ANKRD36C: variants seen among roughly 807,000 people sequenced by gnomAD.
ANKRD36C encodes ankyrin repeat domain 36C.
In ANKRD36C, 61 loss-of-function variants were observed where a neutral mutation model predicts 276.4. That is an observed-to-expected ratio of 0.22 (90% CI 0.18 to 0.27). The LOEUF (loss-of-function observed/expected upper bound fraction) is 0.27. Among genes scored for constraint, ANKRD36C ranks in the 10% least tolerant of loss-of-function variants. The pLI is 1.00. For missense variants in ANKRD36C, 1,447 were observed against 2,032.3 expected (o/e 0.71, Z 5.54); for synonymous variants, 483 against 680.1 (o/e 0.71, Z 4.51).
At chr2:95,906,934 C>T in intron 42 of ANKRD36C, 112 bp from the exon 49 acceptor site, 1 of 53,290 alleles carries the variant, frequency 1.9e-5, no homozygotes, top group South Asian at 9.3e-5. Context: ...TTAGTGGAGG[C>T]TTTGATGGCT....
At chr2:95,964,873 A>C (rs1034534978) in intron 6 of ANKRD36C, among the ~76,000 whole-genome samples, 3 of 152,026 alleles carry the variant, frequency 2.0e-5, no homozygotes, top group African/African-American at 7.2e-5. Flanking sequence ...TTTATGTTTA[A>C]CTACACATAA....
At chr2:95,918,095 T>C in intron 34 of ANKRD36C, 53 bp from the exon 37 acceptor site, 1 of 1,580,912 alleles carries the variant, frequency 6.3e-7, no homozygotes, top group Non-Finnish European at 8.6e-7. Flanking sequence ...GATAAAGTTA[T>C]CCATACATTC....
rs552625159 is a variant in ANKRD36C at position 95,948,175 on chromosome 2, C to G, written c.1362+355G>C. Among the ~76,000 whole-genome samples, 10 of 152,254 alleles carry G rather than the reference C, an allele frequency of 6.6e-5. No homozygotes were observed. The East Asian group carries it at 1.9e-3, about 29-fold the overall frequency. Reference sequence around the variant, plus strand: ...AAACAGAGGTATTATTAGTCATACTCATATGATATACAACTCAGAGTAAAA... The same window carrying G: ...AAACAGAGGTATTATTAGTCATACTGATATGATATACAACTCAGAGTAAAA... On this transcript the variant is annotated intron_variant, in intron 17 of 66. Coordinates refer to ENST00000456556, the Ensembl canonical transcript of ANKRD36C.
At chr2:95,891,560 T>A (rs988434899) in intron 46 of ANKRD36C, 105 bp downstream of exon 66, 174 of 1,360,254 alleles carry the variant, frequency 1.3e-4, no homozygotes, top group African/African-American at 1.2e-3. Flanking sequence ...AGGACTGCTG[T>A]ATCAGAATGT....
intron 3 of ANKRD36C, among the ~76,000 whole-genome samples, chr2:95,986,016 T>C (rs1679019528): frequency 6.6e-6 from 1 of 152,118 alleles, no homozygotes; most frequent in African/African-American, 2.4e-5. Context: ...ATCACCACTA[T>C]TCACTGCCAA....
At chr2:95,862,455 T>C (rs910114157) in intron 60 of ANKRD36C, among the ~76,000 whole-genome samples, 7 of 151,134 alleles carry the variant, frequency 4.6e-5, no homozygotes, top group Admixed American at 2.0e-4. Flanking sequence ...GTAATGAAAA[T>C]AGAAATAGAA....
intron 6 of ANKRD36C, among the ~76,000 whole-genome samples, chr2:95,975,822 C>G (rs1266833377): frequency 6.6e-6 from 1 of 152,034 alleles, no homozygotes; most frequent in African/African-American, 2.4e-5. Flanking sequence ...AAAGAAACTA[C>G]CATCAGAGTG....
At chr2:95,897,808 A>G (rs1304037777) in intron 44 of ANKRD36C, among the ~76,000 whole-genome samples, 3 of 146,318 alleles carry the variant, frequency 2.1e-5, no homozygotes, top group Non-Finnish European at 3.1e-5. Context: ...ATCAATGTCA[A>G]AGCAGGTGCT....
At chr2:95,960,901 T>C (rs1239139937) in intron 8 of ANKRD36C, among the ~76,000 whole-genome samples, 1 of 152,018 alleles carries the variant, frequency 6.6e-6, no homozygotes, top group Non-Finnish European at 1.5e-5. Context: ...ATTCTTCATA[T>C]GTCTATTACT....
chr2:95,893,806 A>T lies in ANKRD36C; in HGVS notation c.2756-1946T>A, dbSNP rs1368313560. On this transcript the variant is annotated intron_variant, in intron 44 of 66. Transcript: ENST00000456556. ...TAGATTCATGCAGAGTTAGCATCAA[A>T]CTCTGTCCTCCTGCCTGTATTAGCG... 4 of 1,592,766 alleles carry T rather than the reference A, an allele frequency of 2.5e-6. No individual in the cohort carries two copies. In the Admixed American group the frequency reaches 6.8e-5, roughly 27 times the overall value.
intron 5 of ANKRD36C, among the ~76,000 whole-genome samples, chr2:95,980,376 A>C (rs1426979198): frequency 6.6e-6 from 1 of 152,118 alleles, no homozygotes; most frequent in East Asian, 1.9e-4. Flanking sequence ...TTATACTGGA[A>C]ATAAAATGTA....
At chr2:95,973,878 A>G (rs1481992176) in intron 6 of ANKRD36C, among the ~76,000 whole-genome samples, 1 of 152,018 alleles carries the variant, frequency 6.6e-6, no homozygotes, top group Non-Finnish European at 1.5e-5. Context: ...CCTTGTCTCT[A>G]AAAAATAAAA....
intron 44 of ANKRD36C, among the ~76,000 whole-genome samples, 162 bp from the exon 65 acceptor site, chr2:95,892,022 G>A (rs1368224768): frequency 2.6e-5 from 4 of 151,478 alleles, no homozygotes; most frequent in East Asian, 1.9e-4. Context: ...ACAGAAATAC[G>A]CTGAGAAAAG....
intron 48 of ANKRD36C, 137 bp from the exon 69 acceptor site, chr2:95,888,257 G>C (rs1178066042): frequency 2.2e-5 from 33 of 1,471,636 alleles, no homozygotes; most frequent in Non-Finnish European, 2.7e-5. Context: ...CTTTGTGACT[G>C]GGGACTGGAA....
At chr2:95,934,539 G>T (rs1413509888) in intron 24 of ANKRD36C, among the ~76,000 whole-genome samples, 3 of 152,122 alleles carry the variant, frequency 2.0e-5, no homozygotes, top group Non-Finnish European at 2.9e-5. Context: ...TCACTCATAA[G>T]TGGGAGTTGA....
chr2:95,923,807 T>C, intron 30 of ANKRD36C, 118 bp from the exon 31 acceptor site: 1 of 1,432,394 alleles, frequency 7.0e-7, no homozygotes, highest in Non-Finnish European at 9.4e-7. Context: ...TAGGCTTTGA[T>C]TTTTGTGTCT....
chr2:95,930,760 T>C (rs1474838007), intron 24 of ANKRD36C, among the ~76,000 whole-genome samples: 1 of 151,344 alleles, frequency 6.6e-6, no homozygotes, highest in South Asian at 2.1e-4. Flanking sequence ...TTTCACATGA[T>C]ATACCATCGG....
chr2:95,881,688 G>A (rs184924235), intron 56 of ANKRD36C, among the ~76,000 whole-genome samples: 19 of 152,220 alleles, frequency 1.2e-4, no homozygotes, highest in African/African-American at 4.6e-4. Context: ...GATTCCAGTA[G>A]TCATTGGAGC....
At chr2:95,868,311 G>T in intron 59 of ANKRD36C, among the ~76,000 whole-genome samples, 1 of 144,324 alleles carries the variant, frequency 6.9e-6, no homozygotes. Flanking sequence ...TAAATCACAT[G>T]CTTCATTTCT....
Sources: allele counts gnomAD v4.1 joint callset (sites outside exome capture counted in the v4.1 genomes callset), GRCh38; gene constraint gnomAD v4.1.1; transcripts MANE v1.5; gene names NCBI Gene and HGNC (gene_info 2026-07-23, HGNC 2026-07-21).